The following HEATR5B variants were observed in gnomAD, a reference collection of about 807,000 sequenced individuals.
The protein encoded by HEATR5B is HEAT repeat containing 5B, also known as HEAT repeat-containing protein 5B.
In HEATR5B, 156 loss-of-function variants were observed where a neutral mutation model predicts 224.1. The ratio of observed to expected loss-of-function variants is 0.70; its 90% confidence interval spans 0.61 to 0.80. The LOEUF is 0.80. Ranked by LOEUF, HEATR5B falls within the 30% of genes least tolerant of loss-of-function variation. The pLI, the probability that HEATR5B is intolerant of heterozygous loss-of-function variation, is 0.00. For synonymous variants in HEATR5B, 1,027 were observed against 893.0 expected (o/e 1.15, Z -2.68); for missense variants, 2,323 against 2,535.5 (o/e 0.92, Z 1.80).
At chr2:37,000,131 G>A (rs955567055) in intron 33 of HEATR5B, among the ~76,000 whole-genome samples, 38 of 151,978 alleles carry the variant, frequency 2.5e-4, no homozygotes, top group Non-Finnish European at 2.2e-4. Context: ...AGCCTGGAGT[G>A]CAGTGGTGTG....
Position 37,007,069 on chromosome 2 carries a change from G to A in HEATR5B, c.4758C>T (p.Asp1586=), listed in dbSNP as rs374180675. The part of the protein sequence containing the change: ...SAKSLPEINK[D]RMHLILGVSI... ...ACCTACCTAAAATCAGATGCATTCTGTCTTTGTTAATTTCTGGCAAAGATT... is the reference window on the plus strand; with the variant it reads ...ACCTACCTAAAATCAGATGCATTCTATCTTTGTTAATTTCTGGCAAAGATT... The change falls in exon 29 of 36, where the codon GAC becomes GAT. Residue 1586 remains aspartate (D), a synonymous_variant. Transcript: ENST00000233099. The A allele has an allele frequency of 1.5e-5, 24 of 1,613,850 alleles. No individual in the cohort carries two copies. The African/African-American group carries it at 2.3e-4, about 15-fold the overall frequency.
chr2:37,005,855 A>T (rs1667382827), intron 29 of HEATR5B, 96 bp from the exon 30 acceptor site: 9 of 951,238 alleles, frequency 9.5e-6, no homozygotes, highest in Non-Finnish European at 1.4e-5. Flanking sequence ...TTTACAGATT[A>T]CCTTAACATG....
chr2:37,054,666 T>C (rs1670787198), intron 16 of HEATR5B, among the ~76,000 whole-genome samples: 1 of 147,816 alleles, frequency 6.8e-6, no homozygotes, highest in Non-Finnish European at 1.5e-5. Flanking sequence ...GTATTTTTAG[T>C]AGAGAAGGAT....
chr2:36,989,856 G>C (rs926984864), intron 34 of HEATR5B, among the ~76,000 whole-genome samples: 1 of 148,874 alleles, frequency 6.7e-6, no homozygotes, highest in Non-Finnish European at 1.5e-5. Flanking sequence ...CCTATCTGGA[G>C]ACTCAGATTC....
chr2:37,002,217 C>T, intron 32 of HEATR5B, 89 bp downstream of exon 32: 1 of 1,379,600 alleles, frequency 7.2e-7, no homozygotes, highest in African/African-American at 1.4e-5. Context: ...TAAGAGGAAA[C>T]TGGGTTATAA....
At chr2:37,039,481 G>C (rs570931882) in intron 20 of HEATR5B, among the ~76,000 whole-genome samples, 30 of 151,950 alleles carry the variant, frequency 2.0e-4, no homozygotes, top group Non-Finnish European at 3.4e-4. Flanking sequence ...TGCAAGCATC[G>C]GAAATTGATC....
intron 30 of HEATR5B, among the ~76,000 whole-genome samples, chr2:37,005,005 T>C (rs1351733927): frequency 2.6e-5 from 4 of 152,156 alleles, no homozygotes; most frequent in Non-Finnish European, 5.9e-5. Flanking sequence ...ACATCATTCC[T>C]CTACTTAAAC....
intron 27 of HEATR5B, 100 bp downstream of exon 27, chr2:37,013,741 T>A (rs533020559): frequency 9.4e-7 from 1 of 1,061,104 alleles, no homozygotes; most frequent in East Asian, 2.5e-5. Context: ...AAGGGTTAGT[T>A]TTTAAAAAAC....
chr2:36,998,463 G>A (rs576736654), intron 33 of HEATR5B, among the ~76,000 whole-genome samples: 108 of 152,318 alleles, frequency 7.1e-4, no homozygotes, highest in Middle Eastern at 3.4e-3. Flanking sequence ...GTAAATTCAT[G>A]TAGCTATGTT....
intron 24 of HEATR5B, among the ~76,000 whole-genome samples, chr2:37,022,473 G>T (rs1402159832): frequency 6.6e-6 from 1 of 152,158 alleles, no homozygotes; most frequent in Non-Finnish European, 1.5e-5. Flanking sequence ...CACCATGCCT[G>T]GGCTCAGGCT....
chr2:37,037,400 C>T (rs536906158), intron 21 of HEATR5B, among the ~76,000 whole-genome samples: 8 of 151,796 alleles, frequency 5.3e-5, no homozygotes, highest in Non-Finnish European at 1.2e-4. Context: ...ACCTTAGCCT[C>T]CCAAAGTGCT....
At position 37,003,639 on chromosome 2, in the gene HEATR5B, G is replaced by T; in HGVS notation, c.4953C>A (p.Thr1651=). The T allele has an allele frequency of 6.2e-7, 1 of 1,612,412 alleles. No individual in the cohort carries two copies. The highest frequency in any genetic ancestry group is 1.3e-5 in the African/African-American group (1 of 74,956). ...LLSVLHRLLL[T]WNPSSVQLLV... is the part of the protein sequence containing the mutation. ...ACAGCTGGACAGATGATGGATTCCA[G>T]GTCAATAGAAGGCGGTGCAAAACAC... Residue 1651 remains threonine (T), a synonymous_variant, in exon 31 of 36, where the codon ACC becomes ACA. Coordinates refer to ENST00000233099, the MANE Select transcript of HEATR5B (RefSeq NM_019024.3).
chr2:37,062,696 A>G (rs1338243418), intron 10 of HEATR5B, among the ~76,000 whole-genome samples: 2 of 152,364 alleles, frequency 1.3e-5, no homozygotes, highest in African/African-American at 4.8e-5. Context: ...TACAGCATCT[A>G]TGCTACTACT....
At chr2:37,017,918 A>T (rs1050029105) in intron 26 of HEATR5B, among the ~76,000 whole-genome samples, 26 of 152,206 alleles carry the variant, frequency 1.7e-4, no homozygotes, top group African/African-American at 6.3e-4. Context: ...ACTTTAAATG[A>T]TTTTTTATTG....
At chr2:37,047,186 A>AAT (rs1558340392) in intron 18 of HEATR5B, among the ~76,000 whole-genome samples, 11 of 151,834 alleles carry the variant, frequency 7.2e-5, no homozygotes, top group African/African-American at 2.4e-4. Context: ...TCAAAAAAAA[A>AAT]AAATAAATAA....
chr2:37,068,556 A>T, intron 8 of HEATR5B, 125 bp downstream of exon 8: 1 of 1,019,402 alleles, frequency 9.8e-7, no homozygotes, highest in South Asian at 1.6e-5. Context: ...AAGAGTACTC[A>T]ATAAAAATCA....
chr2:37,079,138 G>A lies in HEATR5B; in HGVS notation c.320C>T (p.Ala107Val). ...TACTTACAATTTTGTTGGTAAGTAG[G>A]CCGCAGTGTCATCTTTATTTCTGAT... is the stretch of plus-strand genomic sequence containing the variant. ...DIIRNKDDTA[A>V]YLPTKLAAVA... The change falls in exon 3 of 36, where the codon GCC (alanine) becomes GTC (valine). Residue 107 changes from alanine (A) to valine (V), a missense_variant. This residue lies in a region of HEATR5B where 292 missense variants were observed against 332.6 expected (regional missense o/e 0.88). Coordinates refer to ENST00000233099, the MANE Select transcript of HEATR5B (RefSeq NM_019024.3). 6.2e-7 allele frequency: 1 copy of A among 1,601,102 alleles called. No homozygotes were observed. Among genetic ancestry groups the A allele is most frequent in the Non-Finnish European group, 8.5e-7 (1 of 1,171,026 alleles).
intron 35 of HEATR5B, among the ~76,000 whole-genome samples, chr2:36,986,088 C>G (rs1024020537): frequency 6.6e-6 from 1 of 151,998 alleles, no homozygotes; most frequent in Non-Finnish European, 1.5e-5. Context: ...ATTTTAAATA[C>G]TAGAACGCAA....
At chr2:36,999,268 G>C (rs1666931298) in intron 33 of HEATR5B, among the ~76,000 whole-genome samples, 1 of 152,088 alleles carries the variant, frequency 6.6e-6, no homozygotes. Context: ...TCAACATGTA[G>C]TTCCATGTGG....
Sources: gnomAD v4.1 joint callset for allele counts (sites outside exome capture counted in the v4.1 genomes callset) on GRCh38, gnomAD v4.1.1 for gene constraint, gnomAD v4.1.1 regional missense constraint, MANE v1.5 for transcripts, NCBI Gene and HGNC (gene_info 2026-07-23, HGNC 2026-07-21) for gene names.